The following DNAH6 variants were observed in gnomAD, a reference collection of about 807,000 sequenced individuals.
The protein encoded by DNAH6 is dynein axonemal heavy chain 6.
Under a neutral mutation model 491.4 loss-of-function variants are expected in DNAH6, and 340 were observed. That is an observed-to-expected ratio of 0.69 (90% CI 0.63 to 0.76). The LOEUF is 0.76. Ranked by LOEUF, DNAH6 falls within the 30% of genes least tolerant of loss-of-function variation. DNAH6 has a pLI of 0.00. For missense variants in DNAH6, 4,443 were observed against 4,972.2 expected (o/e 0.89, Z 3.20); for synonymous variants, 1,603 against 1,686.1 (o/e 0.95, Z 1.21).
intron 15 of DNAH6, 69 bp downstream of exon 15, chr2:84,584,319 TATA>T (rs1346492053): frequency 1.4e-6 from 2 of 1,442,836 alleles, no homozygotes; most frequent in African/African-American, 2.9e-5. Context: ...TTTATTAAAG[TATA>T]ATCAACAGAT....
At chr2:84,808,378 T>A in intron 71 of DNAH6, 37 bp from the exon 72 acceptor site, 2 of 1,474,750 alleles carry the variant, frequency 1.4e-6, no homozygotes, top group Non-Finnish European at 1.8e-6. Context: ...AACAAATCAA[T>A]GGTGACTGGC....
At chr2:84,546,165 G>A (rs1010671622) in intron 5 of DNAH6, among the ~76,000 whole-genome samples, 1 of 152,016 alleles carries the variant, frequency 6.6e-6, no homozygotes, top group African/African-American at 2.4e-5. Context: ...TTTCACACAT[G>A]GAATCATACA....
chr2:84,531,770 T>G (rs1677197574), intron 4 of DNAH6, among the ~76,000 whole-genome samples: 2 of 151,962 alleles, frequency 1.3e-5, no homozygotes, highest in African/African-American at 4.8e-5. Context: ...TTTTCCAACA[T>G]GAGAGAATTC....
At chr2:84,588,639 G>A (rs1683796128) in intron 15 of DNAH6, among the ~76,000 whole-genome samples, 187 bp from the exon 16 acceptor site, 1 of 152,134 alleles carries the variant, frequency 6.6e-6, no homozygotes, top group Non-Finnish European at 1.5e-5. Context: ...TTATATAAAT[G>A]TGTACTTTTT....
At chr2:84,501,502 T>A in the DNAH6 span, among the ~76,000 whole-genome samples, 52 of 151,150 alleles carry the variant, frequency 3.4e-4, no homozygotes, top group African/African-American at 1.3e-3. Context: ...TTAAAATGGG[T>A]CTTTCTCTGG....
chr2:84,473,565 C>T, the DNAH6 span, among the ~76,000 whole-genome samples: 1 of 152,108 alleles, frequency 6.6e-6, no homozygotes, highest in African/African-American at 2.4e-5. Flanking sequence ...GGACAGGGAG[C>T]GTTTACTGTT....
Position 84,579,548 on chromosome 2 carries a change from C to T in DNAH6, c.2098C>T (p.Arg700Cys), listed in dbSNP as rs751356596. The change falls in exon 14 of 77, where the codon CGT (arginine) becomes TGT (cysteine). Residue 700 changes from arginine to cysteine, a missense_variant. Physicochemically the swap from Arg to Cys is radical, Grantham distance 180 (BLOSUM62 -3). Around this residue, in one of 3 missense-constraint regions of DNAH6, gnomAD observed 2,977 missense variants for 3,296.6 expected, o/e 0.90. Transcript: ENST00000389394. ...TTAGGTGCTAAATTTTATGCTTCCT[C>T]GTCAAAGCAAGAAAAAAGTGGATGC... ...CLEVLNFMLP[R>C]QSKKKVDAII... 3.3e-5 allele frequency: 53 copies of T among 1,613,624 alleles called. No individual in the cohort carries two copies. In the South Asian group the frequency reaches 4.1e-4, roughly 12 times the overall value.
At chr2:84,550,475 C>T (rs143045985) in intron 9 of DNAH6, among the ~76,000 whole-genome samples, 279 of 152,174 alleles carry the variant, frequency 1.8e-3, no homozygotes, top group African/African-American at 6.5e-3. Context: ...GTCCAAGGCC[C>T]GGGGACTGGG....
chr2:84,706,935 C>T lies in DNAH6; in HGVS notation c.8767C>T (p.Gln2923Ter). ...DITMATLREK[Q>*]ALLRQVEDQI... ...TACCATGGCTACCCTGAGAGAAAAGCAAGCATTACTAAGACAAGTAGAAGA... is the reference window on the plus strand; with the variant it reads ...TACCATGGCTACCCTGAGAGAAAAGTAAGCATTACTAAGACAAGTAGAAGA... The change falls in exon 53 of 77, where the codon CAA becomes TAA. Residue 2923 changes from glutamine to a stop codon, truncating the protein, a stop_gained. Coordinates refer to ENST00000389394, the MANE Select transcript of DNAH6 (RefSeq NM_001370.2). LOFTEE classifies it high-confidence loss of function. The T allele has an allele frequency of 6.5e-7, 1 of 1,544,288 alleles. No homozygotes were observed. Among genetic ancestry groups the T allele is most frequent in the Non-Finnish European group, 8.7e-7 (1 of 1,145,574 alleles).
the DNAH6 span, among the ~76,000 whole-genome samples, chr2:84,476,962 G>C: frequency 3.3e-5 from 5 of 152,162 alleles, no homozygotes; most frequent in East Asian, 7.7e-4. Flanking sequence ...CTTTGACGGC[G>C]CATCCTCCAC....
chr2:84,510,176 A>G, the DNAH6 span, among the ~76,000 whole-genome samples: 2 of 152,192 alleles, frequency 1.3e-5, no homozygotes, highest in Non-Finnish European at 2.9e-5. Context: ...GTGTTTTCCA[A>G]CTTGGTTCCA....
rs949282078 is a variant in DNAH6 at position 84,544,557 on chromosome 2, A to C, written c.930+57A>C. On this transcript the variant is annotated intron_variant, in intron 5 of 76. Coordinates refer to ENST00000389394, the MANE Select transcript of DNAH6 (RefSeq NM_001370.2). ...TTACTTACAAAAAAAGAAAGTGTGA[A>C]TCTATTAAGCTGTTGGTATAGACTG... 1.1e-5 allele frequency: 11 copies of C among 1,026,954 alleles called. No individual in the cohort carries two copies. The African/African-American group carries it at 1.1e-4, about 10-fold the overall frequency. The allele number at this position is 1,026,954 out of a possible 1,614,324, so 63.6% of individuals were successfully genotyped here.
chr2:84,634,711 A>G (rs1024698112), intron 30 of DNAH6, 70 bp downstream of exon 30: 1 of 1,400,420 alleles, frequency 7.1e-7, no homozygotes, highest in Non-Finnish European at 9.3e-7. Context: ...AGAATGTTAC[A>G]TTTTAGGAAG....
In DNAH6 at chr2:84,584,247, A is replaced by G. The variant is rs761902337; in HGVS notation, c.2478A>G (p.Ala826=). ...AAGTGAATGAAGTAAAACTGCAAGC[A>G]CAGGTAAGCTAAATCATTATTTTGT... ...NNEVNEVKLQ[A]QDPQILDISA... The change falls in exon 15 of 77, where the codon GCA becomes GCG. Residue 826 remains alanine, a synonymous_variant. Coordinates refer to ENST00000389394, the MANE Select transcript of DNAH6 (RefSeq NM_001370.2). 8.1e-6 allele frequency: 13 copies of G among 1,613,458 alleles called. No homozygotes were observed. The highest frequency in any genetic ancestry group is 1.0e-5 in the Non-Finnish European group (12 of 1,179,426).
chr2:84,750,042 A>G (rs1673315755), intron 63 of DNAH6, among the ~76,000 whole-genome samples: 1 of 152,118 alleles, frequency 6.6e-6, no homozygotes, highest in Non-Finnish European at 1.5e-5. Flanking sequence ...ACAATAACAT[A>G]CCATTATTTA....
intron 39 of DNAH6, among the ~76,000 whole-genome samples, chr2:84,671,333 G>A (rs192032867): frequency 5.9e-5 from 9 of 152,136 alleles, no homozygotes; most frequent in Admixed American, 1.3e-4. Flanking sequence ...TTCCCTGAGG[G>A]TGGGAGTCAG....
chr2:84,516,964 G>A (rs1421783736), intron 1 of DNAH6, among the ~76,000 whole-genome samples: 2 of 152,134 alleles, frequency 1.3e-5, no homozygotes, highest in Non-Finnish European at 2.9e-5. Flanking sequence ...AAATGATTAT[G>A]TTTTGTATAT....
intron 18 of DNAH6, among the ~76,000 whole-genome samples, chr2:84,597,580 C>T (rs941616361): frequency 6.6e-6 from 1 of 152,182 alleles, no homozygotes; most frequent in Non-Finnish European, 1.5e-5. Flanking sequence ...TATAGACCTA[C>T]CATATTACCA....
the DNAH6 span, among the ~76,000 whole-genome samples, chr2:84,483,141 G>A: frequency 2.0e-5 from 3 of 151,788 alleles, no homozygotes; most frequent in Non-Finnish European, 4.4e-5. Flanking sequence ...TTTAATTTTG[G>A]GGGGTAGATA....
Sources: allele counts gnomAD v4.1 joint callset (sites outside exome capture counted in the v4.1 genomes callset), GRCh38; gene constraint gnomAD v4.1.1; regional missense constraint gnomAD v4.1.1; transcripts MANE v1.5; gene names NCBI Gene and HGNC (gene_info 2026-07-23, HGNC 2026-07-21).